The following THBS4 variants were observed in gnomAD, a reference collection of about 807,000 sequenced individuals.
THBS4 encodes the protein thrombospondin 4, also known as thrombospondin-4.
In THBS4, 90 loss-of-function variants were observed where a neutral mutation model predicts 115.7. That is an observed-to-expected ratio of 0.78 (90% CI 0.66 to 0.93). The LOEUF (loss-of-function observed/expected upper bound fraction) is 0.93. Among genes scored for constraint, THBS4 ranks in the 40% least tolerant of loss-of-function variants. The pLI is 0.00. For missense variants in THBS4, 1,087 were observed against 1,232.7 expected (o/e 0.88, Z 1.77); for synonymous variants, 460 against 479.3 (o/e 0.96, Z 0.53).
chr5:80,023,998 G>A lies in THBS4; in HGVS notation n.178-16079G>A, dbSNP rs772176182. 2.0e-5 allele frequency among the ~76,000 whole-genome samples: 3 copies of A among 152,144 alleles called. No homozygotes were observed. In the East Asian group the frequency reaches 5.8e-4, roughly 29 times the overall value. On this transcript the variant is annotated intron_variant and non_coding_transcript_variant, in intron 2 of 3. Coordinates refer to the THBS4 transcript ENST00000510218. ...CTAGGGCCCACCTCCCCACACCACC[G>A]CAAAGGGGATCAAATTTCAACATGA...
chr5:80,031,914 T>C (rs1288381431), upstream of THBS4, among the ~76,000 whole-genome samples: 1 of 152,196 alleles, frequency 6.6e-6, no homozygotes, highest in Non-Finnish European at 1.5e-5. Context: ...TATCCTAGAT[T>C]ACAGTATTAA....
At chr5:80,036,520 GAAAA>G (rs969482220) in intron 1 of THBS4, among the ~76,000 whole-genome samples, 3 of 151,890 alleles carry the variant, frequency 2.0e-5, no homozygotes, top group Non-Finnish European at 2.9e-5. Context: ...AATTTAAAAA[GAAAA>G]AAGAAAGAAA....
At chr5:80,080,934 A>C (rs187470414) in intron 20 of THBS4, among the ~76,000 whole-genome samples, 1 of 152,236 alleles carries the variant, frequency 6.6e-6, no homozygotes, top group Non-Finnish European at 1.5e-5. Flanking sequence ...ACAAAGCCTG[A>C]CATCTACTAC....
chr5:80,039,670 G>A (rs1832830493), intron 1 of THBS4, among the ~76,000 whole-genome samples: 2 of 152,272 alleles, frequency 1.3e-5, no homozygotes, highest in South Asian at 2.1e-4. Flanking sequence ...GGTGCCTATG[G>A]GACTCCGTGA....
intron 2 of THBS4, among the ~76,000 whole-genome samples, chr5:80,051,165 C>A (rs1833242865): frequency 6.6e-6 from 1 of 152,204 alleles, no homozygotes; most frequent in South Asian, 2.1e-4. Context: ...TTCTCTTCCC[C>A]TTCCCAGTGA....
At chr5:80,082,181 C>T (rs916824460) in intron 20 of THBS4, 4 of 447,272 alleles carry the variant, frequency 8.9e-6, no homozygotes, top group Non-Finnish European at 1.6e-5. Context: ...CCCCCACCCC[C>T]CTCCACACAC....
intron 2 of THBS4, among the ~76,000 whole-genome samples, chr5:80,002,930 AAAAAAAC>A (rs1281076667): frequency 6.6e-6 from 1 of 151,934 alleles, no homozygotes; most frequent in Non-Finnish European, 1.5e-5. Flanking sequence ...TTTGAAAAAA[AAAAAAAC>A]AAAAACATGT....
intron 19 of THBS4, 56 bp downstream of exon 19, chr5:80,079,314 T>G (rs577066208): frequency 1.3e-6 from 2 of 1,509,008 alleles, no homozygotes; most frequent in African/African-American, 2.8e-5. Flanking sequence ...TCATCTTTTT[T>G]CAGATATTGT....
intron 2 of THBS4, among the ~76,000 whole-genome samples, chr5:80,044,041 T>G (rs931613064): frequency 6.6e-6 from 1 of 152,190 alleles, no homozygotes; most frequent in African/African-American, 2.4e-5. Context: ...GTCTGCTCCC[T>G]CGACACATAT....
intron 2 of THBS4, among the ~76,000 whole-genome samples, chr5:80,054,632 T>A (rs1156334271): frequency 6.6e-6 from 1 of 152,068 alleles, no homozygotes; most frequent in South Asian, 2.1e-4. Flanking sequence ...CCAATTTTTT[T>A]AAATTTACTT....
intron 2 of THBS4, among the ~76,000 whole-genome samples, chr5:80,054,384 G>A (rs1164326748): frequency 6.8e-6 from 1 of 146,094 alleles, no homozygotes; most frequent in Non-Finnish European, 1.5e-5. Context: ...GCAGTGGTGT[G>A]ATCTTGGCTC....
Position 80,058,772 on chromosome 5 carries a change from G to A in THBS4, c.714G>A (p.Lys238=). ...TQLNQLLGEV[K]DLLRQQVKET... ...TAAACCAACTCCTGGGAGAGGTGAA[G>A]GACCTTCTGAGACAGCAGGTAACAA... Residue 238 remains lysine, a synonymous_variant, in exon 5 of 22, where the codon AAG becomes AAA. Transcript: ENST00000350881. 3.7e-6 allele frequency: 6 copies of A among 1,613,940 alleles called. No homozygotes were observed. The highest frequency in any genetic ancestry group is 5.1e-6 in the Non-Finnish European group (6 of 1,179,960).
chr5:80,010,876 G>A (rs1325634969), intron 2 of THBS4, among the ~76,000 whole-genome samples: 2 of 152,222 alleles, frequency 1.3e-5, no homozygotes, highest in Non-Finnish European at 2.9e-5. Context: ...TCTTAGCTGA[G>A]GCAATTCTCA....
At chr5:80,030,570 T>C (rs960661064), upstream of THBS4, among the ~76,000 whole-genome samples, 1 of 152,150 alleles carries the variant, frequency 6.6e-6, no homozygotes, top group African/African-American at 2.4e-5. Flanking sequence ...GGTTTCACCA[T>C]GTTGGCCAGG....
At chr5:80,015,863 A>G (rs1331179302) in intron 2 of THBS4, among the ~76,000 whole-genome samples, 2 of 152,254 alleles carry the variant, frequency 1.3e-5, no homozygotes, top group Non-Finnish European at 2.9e-5. Flanking sequence ...GGTATCTTTT[A>G]CGAGGTGAGC....
Position 80,069,734 on chromosome 5 carries a change from G to T in THBS4, c.1348-572G>T, listed in dbSNP as rs146927894. On this transcript the variant is annotated intron_variant, in intron 10 of 21. Transcript: ENST00000350881. ...TCCAGGCCTTCCAAAGGCCCTGCTG[G>T]GGCAAGTGAGCAGGAACCAGGAGCC... 2.6e-5 allele frequency among the ~76,000 whole-genome samples: 4 copies of T among 152,344 alleles called. No individual in the cohort carries two copies. The East Asian group carries it at 7.7e-4, about 29-fold the overall frequency.
intron 3 of THBS4, among the ~76,000 whole-genome samples, chr5:80,056,704 T>C (rs765237502): frequency 1.3e-5 from 2 of 151,876 alleles, no homozygotes; most frequent in Non-Finnish European, 2.9e-5. Context: ...TCCTTTCCAA[T>C]AATGTATAAC....
intron 20 of THBS4, 200 bp from the exon 21 acceptor site, chr5:80,082,206 G>T: frequency 2.0e-6 from 1 of 512,650 alleles, no homozygotes. Flanking sequence ...GGACACACAC[G>T]GTCCCTGCCC....
chr5:80,080,901 T>C (rs1743471476), intron 20 of THBS4, among the ~76,000 whole-genome samples: 1 of 152,178 alleles, frequency 6.6e-6, no homozygotes, highest in African/African-American at 2.4e-5. Flanking sequence ...TATTATTTTA[T>C]CTTGATCTCC....
Sources: gnomAD v4.1 joint callset for allele counts (sites outside exome capture counted in the v4.1 genomes callset) on GRCh38, gnomAD v4.1.1 for gene constraint, MANE v1.5 for transcripts, NCBI Gene and HGNC (gene_info 2026-07-23, HGNC 2026-07-21) for gene names.